Variants in CALN1 observed in about 807,000 individuals in gnomAD.
The protein encoded by CALN1 is calcium-binding protein 8.
Under a neutral mutation model 30.6 loss-of-function variants are expected in CALN1, and 17 were observed. That is an observed-to-expected ratio of 0.56 (90% confidence interval 0.38 to 0.83). CALN1 has a LOEUF of 0.83. CALN1 is among the 40% of genes least tolerant of loss of function. CALN1 has a pLI of 0.00. For synonymous variants in CALN1, 156 were observed against 131.4 expected (o/e 1.19, Z -1.28); for missense variants, 291 against 354.9 (o/e 0.82, Z 1.45).
intron 3 of CALN1, among the ~76,000 whole-genome samples, chr7:72,201,941 G>C (rs1791464699): frequency 6.6e-6 from 1 of 152,114 alleles, no homozygotes; most frequent in Non-Finnish European, 1.5e-5. Flanking sequence ...GACAGACCTT[G>C]CTTTGAAATA....
chr7:72,288,596 G>T (rs1798260610), intron 2 of CALN1, among the ~76,000 whole-genome samples: 1 of 152,166 alleles, frequency 6.6e-6, no homozygotes, highest in African/African-American at 2.4e-5. Context: ...ATTAGTCTAG[G>T]AGTGTGTCAA....
At chr7:72,408,268 A>AT (rs1554403056) in intron 1 of CALN1, among the ~76,000 whole-genome samples, 3 of 99,076 alleles carry the variant, frequency 3.0e-5, no homozygotes, top group East Asian at 5.3e-4. Flanking sequence ...CCCCATCTCT[A>AT]TTAAAAAAAA....
intron 2 of CALN1, among the ~76,000 whole-genome samples, chr7:72,291,827 G>A (rs1213859812): frequency 6.6e-6 from 1 of 152,092 alleles, no homozygotes; most frequent in East Asian, 1.9e-4. Context: ...GGCCAGGCTG[G>A]TCTCGAACTC....
At chr7:72,221,844 G>A (rs966323954) in intron 3 of CALN1, among the ~76,000 whole-genome samples, 4 of 151,938 alleles carry the variant, frequency 2.6e-5, no homozygotes, top group South Asian at 2.1e-4. Flanking sequence ...AGCTGAGATC[G>A]TGCCACTGCA....
rs952928130 is a variant in CALN1, at chr7:72,203,200, G to T, written c.244+75486C>A. Reference sequence around the variant, plus strand: ...AGGGCCTGTCGGGGGGTGAGGGCAAGGGGAGGGAGAGCATTAGGACAAATA... The same window carrying T: ...AGGGCCTGTCGGGGGGTGAGGGCAATGGGAGGGAGAGCATTAGGACAAATA... On this transcript the variant is annotated intron_variant, in intron 3 of 6. Transcript: ENST00000395275. Among the ~76,000 whole-genome samples, 4 of 152,118 alleles carry T rather than the reference G, an allele frequency of 2.6e-5. No homozygotes were observed. The South Asian group carries it at 8.3e-4, about 32-fold the overall frequency.
chr7:72,418,973 G>A (rs535276397), intron 1 of CALN1, among the ~76,000 whole-genome samples: 7 of 152,238 alleles, frequency 4.6e-5, no homozygotes, highest in African/African-American at 1.7e-4. Flanking sequence ...CTATGATCAT[G>A]CCACTGCACT....
intron 4 of CALN1, among the ~76,000 whole-genome samples, chr7:72,036,687 C>G (rs1480924410): frequency 1.3e-5 from 2 of 152,038 alleles, no homozygotes; most frequent in Non-Finnish European, 2.9e-5. Context: ...TTTAGGTTTT[C>G]TATCTCTTTA....
Position 72,362,719 on chromosome 7 carries a change from G to A in CALN1, c.119+40532C>T, listed in dbSNP as rs138003926. 2.5e-3 allele frequency among the ~76,000 whole-genome samples: 379 copies of A among 152,152 alleles called. 1 individual carries two copies. Among genetic ancestry groups the A allele is most frequent in the African/African-American group, 8.5e-3 (351 of 41,520 alleles). On this transcript the variant is annotated intron_variant, in intron 2 of 6. Transcript: ENST00000395275. ...CCCCCAGGATATTCCTCTGTGGCCCGTTGTCCTGGGGACTCTCCCCCTCCT... is the reference window on the plus strand; with the variant it reads ...CCCCCAGGATATTCCTCTGTGGCCCATTGTCCTGGGGACTCTCCCCCTCCT...
At chr7:71,984,780 G>A (rs1414437464) in intron 5 of CALN1, among the ~76,000 whole-genome samples, 1 of 152,200 alleles carries the variant, frequency 6.6e-6, no homozygotes, top group Non-Finnish European at 1.5e-5. Flanking sequence ...CATACACTTA[G>A]AGTAACCCTG....
chr7:72,216,457 A>G lies in CALN1; in HGVS notation c.244+62229T>C, dbSNP rs530823759. ...ATAAATAAATACATATATCTTTCAT[A>G]GGTCTGGGGATTAGGAGGTGGCATC... On this transcript the variant is annotated intron_variant, in intron 3 of 6. Coordinates refer to ENST00000395275, the MANE Select transcript of CALN1 (RefSeq NM_031468.4). Among the ~76,000 whole-genome samples, 173 of 152,136 alleles carry G rather than the reference A, an allele frequency of 1.1e-3. 1 individual carries two copies. The highest frequency in any genetic ancestry group is 1.9e-3 in the Non-Finnish European group (130 of 67,990).
intron 2 of CALN1, among the ~76,000 whole-genome samples, chr7:72,397,631 C>T (rs1806048302): frequency 1.3e-5 from 2 of 151,728 alleles, no homozygotes; most frequent in South Asian, 4.2e-4. Flanking sequence ...TAGGAACAAG[C>T]ACATGAAGGT....
intron 3 of CALN1, among the ~76,000 whole-genome samples, chr7:72,190,767 T>C (rs1272706520): frequency 6.6e-6 from 1 of 152,232 alleles, no homozygotes. Context: ...TAGCATCAGA[T>C]ACATTTTGTA....
intron 4 of CALN1, among the ~76,000 whole-genome samples, chr7:72,065,376 C>T (rs1230346268): frequency 6.6e-6 from 1 of 151,764 alleles, no homozygotes; most frequent in Non-Finnish European, 1.5e-5. Flanking sequence ...GGCCTCCCCG[C>T]CCCCCTGCCC....
chr7:72,179,781 G>A (rs555953702), intron 3 of CALN1, among the ~76,000 whole-genome samples: 12 of 151,984 alleles, frequency 7.9e-5, no homozygotes, highest in Middle Eastern at 6.8e-3. Flanking sequence ...CAGACATCAT[G>A]TCATTTCACC....
chr7:71,928,919 C>A (rs1265889643), intron 5 of CALN1, among the ~76,000 whole-genome samples: 4 of 151,900 alleles, frequency 2.6e-5, no homozygotes, highest in African/African-American at 4.8e-5. Context: ...ACCTACCCCC[C>A]ACCCCCAAAC....
intron 5 of CALN1, among the ~76,000 whole-genome samples, chr7:72,002,023 GAGA>G (rs1358532837): frequency 2.6e-5 from 4 of 152,092 alleles, no homozygotes; most frequent in African/African-American, 9.7e-5. Flanking sequence ...AATTAAAGAA[GAGA>G]AGAATTAACT....
chr7:72,481,150 C>T, the CALN1 span, among the ~76,000 whole-genome samples: 1 of 152,154 alleles, frequency 6.6e-6, no homozygotes, highest in Non-Finnish European at 1.5e-5. Flanking sequence ...ACGGGTTTTG[C>T]CATGTTGTCC....
At chr7:71,828,427 C>A (rs1005848989) in intron 5 of CALN1, among the ~76,000 whole-genome samples, 5 of 151,986 alleles carry the variant, frequency 3.3e-5, no homozygotes, top group Non-Finnish European at 5.9e-5. Context: ...CTGGATTATG[C>A]GGATAGACCC....
chr7:72,407,206 CT>C (rs2129562608), intron 1 of CALN1, among the ~76,000 whole-genome samples: 1 of 152,318 alleles, frequency 6.6e-6, no homozygotes, highest in East Asian at 1.9e-4. Flanking sequence ...GCTGTGTGAC[CT>C]TGGGCAAGTG....
Sources: allele counts gnomAD v4.1 joint callset (sites outside exome capture counted in the v4.1 genomes callset), GRCh38; gene constraint gnomAD v4.1.1; transcripts MANE v1.5; gene names NCBI Gene and HGNC (gene_info 2026-07-23, HGNC 2026-07-21).